Variants in FTO observed in about 807,000 individuals in gnomAD.
The protein encoded by FTO is FTO alpha-ketoglutarate dependent dioxygenase.
Under a neutral mutation model 63.9 loss-of-function variants are expected in FTO, and 47 were observed. That is an observed-to-expected ratio of 0.74 (90% CI 0.58 to 0.94). FTO has a LOEUF of 0.94. Among genes scored for constraint, FTO ranks in the 40% least tolerant of loss-of-function variants. The probability of loss-of-function intolerance (pLI) is 0.00; values close to 1 mark genes in which losing one functional copy is unlikely to be tolerated. For synonymous variants in FTO, 207 were observed against 224.4 expected (o/e 0.92, Z 0.69); for missense variants, 562 against 618.1 (o/e 0.91, Z 0.96).
At chr16:53,831,009 A>G (rs1168698313) in intron 3 of FTO, among the ~76,000 whole-genome samples, 1 of 152,200 alleles carries the variant, frequency 6.6e-6, no homozygotes, top group East Asian at 1.9e-4. Flanking sequence ...GAGACTTTGC[A>G]ATAATGTTCT....
intron 5 of FTO, among the ~76,000 whole-genome samples, chr16:53,874,946 G>A (rs2080604490): frequency 6.6e-6 from 1 of 152,132 alleles, no homozygotes. Flanking sequence ...CACCACTTTT[G>A]TGAACTTTAG....
At chr16:53,889,489 C>T (rs1177900444) in intron 7 of FTO, among the ~76,000 whole-genome samples, 1 of 151,940 alleles carries the variant, frequency 6.6e-6, no homozygotes, top group African/African-American at 2.4e-5. Flanking sequence ...GAGAGGGGCA[C>T]GAATATCACC....
chr16:53,780,109 G>C (rs2077551186), intron 1 of FTO, among the ~76,000 whole-genome samples: 1 of 152,128 alleles, frequency 6.6e-6, no homozygotes, highest in Non-Finnish European at 1.5e-5. Flanking sequence ...ATGACAAACA[G>C]AATGAGATCC....
At chr16:53,883,644 A>T (rs924418815) in intron 6 of FTO, among the ~76,000 whole-genome samples, 1 of 150,694 alleles carries the variant, frequency 6.6e-6, no homozygotes, top group Non-Finnish European at 1.5e-5. Context: ...AACAAAAAAA[A>T]AAAAACAAAT....
chr16:54,105,771 CTGTGTG>C (rs57782663), intron 8 of FTO, among the ~76,000 whole-genome samples: 6,366 of 138,010 alleles, frequency 0.046, 411 homozygotes, highest in African/African-American at 0.15. Context: ...AAGTTCTAGT[CTGTGTG>C]TGTGTGTGTG....
intron 8 of FTO, among the ~76,000 whole-genome samples, chr16:54,049,326 C>CA (rs1207660222): frequency 2.6e-4 from 39 of 152,240 alleles, no homozygotes; most frequent in African/African-American, 9.1e-4. Flanking sequence ...GGAAGAGAGA[C>CA]AGAGACCCTG....
At chr16:54,110,136 GAAC>G (rs1262300544) in intron 8 of FTO, among the ~76,000 whole-genome samples, 1 of 152,150 alleles carries the variant, frequency 6.6e-6, no homozygotes, top group Non-Finnish European at 1.5e-5. Context: ...TGCACCCTCA[GAAC>G]AACGACAGCA....
intron 7 of FTO, among the ~76,000 whole-genome samples, chr16:53,898,735 A>T (rs1324320009): frequency 6.6e-6 from 1 of 152,164 alleles, no homozygotes; most frequent in Non-Finnish European, 1.5e-5. Flanking sequence ...GCTAGAGTAC[A>T]GTGGTGTGAT....
chr16:53,763,595 G>A (rs948780291), intron 1 of FTO, among the ~76,000 whole-genome samples: 1 of 152,068 alleles, frequency 6.6e-6, no homozygotes, highest in Non-Finnish European at 1.5e-5. Flanking sequence ...CTAAACTAAC[G>A]CATGATTACA....
At chr16:53,755,596 T>A (rs1108102) in intron 1 of FTO, among the ~76,000 whole-genome samples, 6,530 of 152,226 alleles carry the variant, frequency 0.043, 462 homozygotes, top group African/African-American at 0.15. Context: ...AGTCTCCTTG[T>A]GGTAGAGACT....
intron 1 of FTO, among the ~76,000 whole-genome samples, chr16:53,739,212 A>G (rs960049854): frequency 1.3e-5 from 2 of 150,398 alleles, no homozygotes; most frequent in South Asian, 4.2e-4. Flanking sequence ...CTATTTATTT[A>G]TTTATTTATT....
intron 7 of FTO, among the ~76,000 whole-genome samples, chr16:53,901,088 T>C (rs1483167518): frequency 6.6e-6 from 1 of 152,248 alleles, no homozygotes; most frequent in Non-Finnish European, 1.5e-5. Flanking sequence ...AGGTTTTACT[T>C]TGAAAGCAAG....
At chr16:53,811,763 C>T (rs907030841) in intron 2 of FTO, among the ~76,000 whole-genome samples, 1 of 152,072 alleles carries the variant, frequency 6.6e-6, no homozygotes, top group Non-Finnish European at 1.5e-5. Context: ...TCTTTGGGGC[C>T]TTCTTGCTAC....
At chr16:53,929,646 A>G (rs2082232876) in intron 7 of FTO, among the ~76,000 whole-genome samples, 1 of 152,204 alleles carries the variant, frequency 6.6e-6, no homozygotes, top group Non-Finnish European at 1.5e-5. Context: ...AGTATTTTGC[A>G]TTCCTCCTAG....
chr16:53,898,290 G>A (rs961232407), intron 7 of FTO, among the ~76,000 whole-genome samples: 3 of 152,038 alleles, frequency 2.0e-5, no homozygotes, highest in Non-Finnish European at 4.4e-5. Flanking sequence ...TGCATGTGCC[G>A]CTGCCTTTGT....
At chr16:54,012,101 T>C (rs2084347081) in intron 8 of FTO, among the ~76,000 whole-genome samples, 1 of 152,230 alleles carries the variant, frequency 6.6e-6, no homozygotes, top group South Asian at 2.1e-4. Flanking sequence ...ACCAAGACTT[T>C]TGTGCCAAAT....
At chr16:53,924,419 G>T (rs1308274214) in intron 7 of FTO, among the ~76,000 whole-genome samples, 1 of 152,218 alleles carries the variant, frequency 6.6e-6, no homozygotes, top group Non-Finnish European at 1.5e-5. Context: ...GAGGAGTCAT[G>T]TGGTGAACTC....
At chr16:54,095,945 C>T (rs747480425) in intron 8 of FTO, among the ~76,000 whole-genome samples, 1 of 152,192 alleles carries the variant, frequency 6.6e-6, no homozygotes, top group Non-Finnish European at 1.5e-5. Context: ...CTACTTTGAC[C>T]ACTGTTATTT....
At chr16:53,759,042 T>C (rs980714781) in intron 1 of FTO, among the ~76,000 whole-genome samples, 6 of 152,104 alleles carry the variant, frequency 3.9e-5, no homozygotes, top group African/African-American at 1.2e-4. Flanking sequence ...TAAAATGAGA[T>C]TGGCAAAATG....
Sources: allele counts gnomAD v4.1 joint callset (sites outside exome capture counted in the v4.1 genomes callset), GRCh38; gene constraint gnomAD v4.1.1; transcripts MANE v1.5; gene names NCBI Gene and HGNC (gene_info 2026-07-23, HGNC 2026-07-21).